The following SUPT3H variants were observed in gnomAD, a reference collection of about 807,000 sequenced individuals.
The protein encoded by SUPT3H is transcription initiation protein SPT3 homolog.
Under a neutral mutation model 44.3 loss-of-function variants are expected in SUPT3H, and 44 were observed. The observed-to-expected ratio is 0.99, with a 90% CI of 0.78 to 1.28. The LOEUF is 1.28. Ranked by LOEUF, SUPT3H falls within the 50% of genes most tolerant of loss-of-function variation. The pLI is 0.00. For synonymous variants in SUPT3H, 124 were observed against 125.6 expected, an observed-to-expected ratio of 0.99 and a Z score of 0.09; for missense variants, 380 against 387.1, an observed-to-expected ratio of 0.98 and a Z score of 0.15.
intron 3 of SUPT3H, among the ~76,000 whole-genome samples, chr6:45,073,347 A>G (rs1395804578): frequency 1.3e-5 from 2 of 152,064 alleles, no homozygotes; most frequent in African/African-American, 4.8e-5. Context: ...CCAAAAGTTT[A>G]GAGAATACAA....
At chr6:45,230,660 G>GCCTATATA (rs765270979) in intron 2 of SUPT3H, among the ~76,000 whole-genome samples, 2,629 of 51,066 alleles carry the variant, frequency 0.051, 203 homozygotes, top group African/African-American at 0.069. Context: ...AATTCATTCA[G>GCCTATATA]TCTATATATA....
At chr6:45,369,055 G>C (rs1795618054) in intron 1 of SUPT3H, among the ~76,000 whole-genome samples, 1 of 152,006 alleles carries the variant, frequency 6.6e-6, no homozygotes, top group South Asian at 2.1e-4. Flanking sequence ...TCTAGACCTA[G>C]TGTTTAGAAT....
intron 2 of SUPT3H, among the ~76,000 whole-genome samples, chr6:45,308,756 TA>T (rs70996322): frequency 0.96 from 139,455 of 145,294 alleles, 66,927 homozygotes; most frequent in East Asian, 1. Context: ...AAAATAAATT[TA>T]AAAAAAAAAA....
chr6:45,184,116 G>A (rs1048162146), intron 2 of SUPT3H, among the ~76,000 whole-genome samples: 4 of 152,040 alleles, frequency 2.6e-5, no homozygotes, highest in African/African-American at 9.7e-5. Flanking sequence ...GGGAAGGAGA[G>A]AGTACATGGA....
At chr6:45,083,822 T>A (rs139533782) in intron 3 of SUPT3H, among the ~76,000 whole-genome samples, 2 of 151,948 alleles carry the variant, frequency 1.3e-5, no homozygotes, top group African/African-American at 4.8e-5. Flanking sequence ...TTTGACAAAG[T>A]TGACAAAACT....
At chr6:44,919,609 G>A (rs1043888077) in intron 10 of SUPT3H, among the ~76,000 whole-genome samples, 5 of 151,778 alleles carry the variant, frequency 3.3e-5, no homozygotes, top group Non-Finnish European at 5.9e-5. Context: ...ATTTAGTCTC[G>A]AGAACATTTC....
intron 2 of SUPT3H, among the ~76,000 whole-genome samples, chr6:45,123,338 T>C (rs1801942760): frequency 6.6e-6 from 1 of 152,040 alleles, no homozygotes. Flanking sequence ...ATCATCAATT[T>C]TTTTAAGTGT....
rs918995571 is a variant in SUPT3H at position 45,359,402 on chromosome 6, A to G, written c.101+5799T>C. 2.6e-5 allele frequency among the ~76,000 whole-genome samples: 4 copies of G among 152,178 alleles called. No homozygotes were observed. The East Asian group carries it at 7.7e-4, about 29-fold the overall frequency. On this transcript the variant is annotated intron_variant, in intron 2 of 10. Coordinates refer to ENST00000371459, the MANE Select transcript of SUPT3H (RefSeq NM_003599.4). ...CAATTTGAAAATATTCCTAATTACT[A>G]TTATAGTTATAAACTAAAGTATATC...
intron 2 of SUPT3H, among the ~76,000 whole-genome samples, chr6:45,303,112 ATCAAC>A (rs1239468232): frequency 2.0e-5 from 3 of 152,314 alleles, no homozygotes; most frequent in African/African-American, 7.2e-5. Context: ...TTATACAAAA[ATCAAC>A]TCAAGATGGA....
intron 2 of SUPT3H, among the ~76,000 whole-genome samples, chr6:45,354,269 TGATA>T (rs1283707224): frequency 6.6e-6 from 1 of 151,994 alleles, no homozygotes; most frequent in East Asian, 1.9e-4. Context: ...AAAAATAATA[TGATA>T]GATATACACA....
chr6:44,834,875 G>C (rs577739688), intron 10 of SUPT3H, among the ~76,000 whole-genome samples: 5 of 152,084 alleles, frequency 3.3e-5, no homozygotes, highest in Non-Finnish European at 7.4e-5. Context: ...CGGAGGGGCG[G>C]TTAGGGGAGG....
In SUPT3H at chr6:44,834,687, G is replaced by A. The variant is rs570520578; in HGVS notation, c.913-4830C>T. On this transcript the variant is annotated intron_variant, in intron 10 of 10. Coordinates refer to ENST00000371459, the MANE Select transcript of SUPT3H (RefSeq NM_003599.4). ...ACCCATCCACAGTCACATGGTTTTC[G>A]CCTAGGATTCCTGACTCAGTTTAGG... Among the ~76,000 whole-genome samples, 48 of 152,214 alleles carry A rather than the reference G, an allele frequency of 3.2e-4. No homozygotes were observed. In the South Asian group the frequency reaches 7.5e-3, roughly 24 times the overall value.
At chr6:45,299,002 C>T (rs1021957324) in intron 2 of SUPT3H, among the ~76,000 whole-genome samples, 5 of 152,026 alleles carry the variant, frequency 3.3e-5, no homozygotes, top group Non-Finnish European at 7.4e-5. Context: ...CATAAAACCA[C>T]GTAAATGCAA....
intron 2 of SUPT3H, among the ~76,000 whole-genome samples, chr6:45,290,522 A>G (rs1316610566): frequency 2.0e-5 from 3 of 150,676 alleles, no homozygotes; most frequent in Non-Finnish European, 4.4e-5. Flanking sequence ...TTTATTTTGT[A>G]TTTACTCTTC....
chr6:45,209,410 T>C (rs547034547), intron 2 of SUPT3H, among the ~76,000 whole-genome samples: 5 of 152,074 alleles, frequency 3.3e-5, no homozygotes, highest in Non-Finnish European at 7.3e-5. Context: ...TCAGCATCAA[T>C]AGGAGTTTGG....
intron 10 of SUPT3H, among the ~76,000 whole-genome samples, chr6:44,885,713 C>T (rs1762149425): frequency 6.6e-6 from 1 of 152,186 alleles, no homozygotes; most frequent in Non-Finnish European, 1.5e-5. Flanking sequence ...GAGCACCTCT[C>T]CTCCTCCAAA....
intron 2 of SUPT3H, among the ~76,000 whole-genome samples, chr6:45,137,308 C>A (rs1487644852): frequency 6.6e-6 from 1 of 151,860 alleles, no homozygotes; most frequent in Non-Finnish European, 1.5e-5. Flanking sequence ...TCAAATCAAT[C>A]AAGCAAAAAG....
At chr6:45,037,512 AAGTT>A (rs1787860873) in intron 3 of SUPT3H, among the ~76,000 whole-genome samples, 1 of 150,992 alleles carries the variant, frequency 6.6e-6, no homozygotes, top group Non-Finnish European at 1.5e-5. Context: ...AAGAAAAAAA[AAGTT>A]AGCCAGGTGT....
chr6:45,099,662 T>C lies in SUPT3H; in HGVS notation c.186+6260A>G, dbSNP rs543949377. 9.1e-4 allele frequency among the ~76,000 whole-genome samples: 139 copies of C among 152,330 alleles called. 1 individual carries two copies. The Middle Eastern group carries it at 0.01, about 11-fold the overall frequency. ...TACCTGACAAAACTGTAAACTCTTA[T>C]TCATCTTTGTATCGCTATAACCAGA... On this transcript the variant is annotated intron_variant, in intron 3 of 10. Transcript: ENST00000371459.
Sources: allele counts gnomAD v4.1 joint callset (sites outside exome capture counted in the v4.1 genomes callset), GRCh38; gene constraint gnomAD v4.1.1; transcripts MANE v1.5; gene names NCBI Gene and HGNC (gene_info 2026-07-23, HGNC 2026-07-21).